The following NALF1 variants were observed in gnomAD, a reference collection of about 807,000 sequenced individuals.
NALF1 encodes NALCN channel auxiliary factor 1.
A neutral mutation model predicts 48.4 loss-of-function variants in NALF1; 3 were observed. That is an observed-to-expected ratio of 0.06 (90% CI 0.03 to 0.16). The LOEUF (loss-of-function observed/expected upper bound fraction) is 0.16. NALF1 is among the 10% of genes least tolerant of loss of function. The pLI is 1.00. For missense variants in NALF1, 526 were observed against 571.5 expected, an observed-to-expected ratio of 0.92 and a Z score of 0.81; for synonymous variants, 262 against 245.7, an observed-to-expected ratio of 1.07 and a Z score of -0.62.
At chr13:107,388,192 C>T (rs1466113206) in intron 1 of NALF1, among the ~76,000 whole-genome samples, 2 of 152,124 alleles carry the variant, frequency 1.3e-5, no homozygotes, top group Non-Finnish European at 2.9e-5. Context: ...TTATAATGTA[C>T]GTCATTTGAA....
intron 1 of NALF1, among the ~76,000 whole-genome samples, chr13:107,242,171 A>G (rs1385776377): frequency 6.6e-6 from 1 of 152,200 alleles, no homozygotes; most frequent in Non-Finnish European, 1.5e-5. Flanking sequence ...CTGTAAATAT[A>G]TCTTCAAAGA....
chr13:107,845,152 T>A (rs1490086883), intron 1 of NALF1, among the ~76,000 whole-genome samples: 1 of 152,178 alleles, frequency 6.6e-6, no homozygotes, highest in African/African-American at 2.4e-5. Flanking sequence ...CCAGAAAGAT[T>A]TTTTAAATTC....
intron 1 of NALF1, among the ~76,000 whole-genome samples, chr13:107,812,058 G>A (rs1341999218): frequency 1.3e-5 from 2 of 152,106 alleles, no homozygotes; most frequent in Non-Finnish European, 2.9e-5. Flanking sequence ...TTTAATGGTG[G>A]TTAGTATTAA....
intron 1 of NALF1, among the ~76,000 whole-genome samples, chr13:107,385,552 CAAAAAAAAAAA>C (rs201307018): frequency 4.1e-4 from 49 of 118,296 alleles, no homozygotes; most frequent in Non-Finnish European, 5.9e-4. Flanking sequence ...GATTCCATCT[CAAAAAAAAAAA>C]AAAAAAAAAA....
At chr13:107,851,596 A>C (rs1043298961) in intron 1 of NALF1, among the ~76,000 whole-genome samples, 1 of 152,124 alleles carries the variant, frequency 6.6e-6, no homozygotes, top group Non-Finnish European at 1.5e-5. Flanking sequence ...TTTAGAAGAG[A>C]AACGACGACC....
At chr13:107,562,844 T>C (rs1224005217) in intron 1 of NALF1, among the ~76,000 whole-genome samples, 3 of 152,208 alleles carry the variant, frequency 2.0e-5, no homozygotes, top group Admixed American at 2.0e-4. Flanking sequence ...CTCTTTTTCA[T>C]TTCACGGAAA....
At chr13:107,403,188 C>CTTTTTTTTTTTTTTTTTTTTTT (rs10710356) in intron 1 of NALF1, among the ~76,000 whole-genome samples, 4 of 42,486 alleles carry the variant, frequency 9.4e-5, no homozygotes, top group Non-Finnish European at 8.3e-5. Flanking sequence ...CTTGTTCGGG[C>CTTTTTTTTTTTTTTTTTTTTTT]TTTTTTTTTT....
At chr13:107,700,013 G>T (rs1881782873) in intron 1 of NALF1, among the ~76,000 whole-genome samples, 1 of 151,898 alleles carries the variant, frequency 6.6e-6, no homozygotes, top group African/African-American at 2.4e-5. Flanking sequence ...AAGACGCAAA[G>T]AAATAGGAAG....
At chr13:107,857,494 C>T (rs1880467469) in intron 1 of NALF1, among the ~76,000 whole-genome samples, 1 of 152,170 alleles carries the variant, frequency 6.6e-6, no homozygotes, top group African/African-American at 2.4e-5. Context: ...ACAATGGTTT[C>T]TCCCCTTGTC....
At chr13:107,639,359 G>T (rs1282926544) in intron 1 of NALF1, among the ~76,000 whole-genome samples, 1 of 151,832 alleles carries the variant, frequency 6.6e-6, no homozygotes, top group South Asian at 2.1e-4. Context: ...CTTTCTCCCC[G>T]ATGACCCAGC....
intron 1 of NALF1, among the ~76,000 whole-genome samples, chr13:107,482,448 A>C (rs1317680023): frequency 6.6e-6 from 1 of 152,196 alleles, no homozygotes. Flanking sequence ...AAAGCAATTT[A>C]TAATATGCTT....
rs529915369 is a variant in NALF1 at position 107,728,799 on chromosome 13, G to A, written c.915+136883C>T. 7.9e-5 allele frequency among the ~76,000 whole-genome samples: 12 copies of A among 152,238 alleles called. No homozygotes were observed. The South Asian group carries it at 1.5e-3, about 18-fold the overall frequency. On this transcript the variant is annotated intron_variant, in intron 1 of 2. Coordinates refer to ENST00000375915, the MANE Select transcript of NALF1 (RefSeq NM_001080396.3). The stretch of plus-strand genomic sequence containing the variant: ...GAACTGTACAACCTGGTTTGAAATG[G>A]AGAAAATGCTGTCTTCGTCAGAGGC...
chr13:107,546,209 T>C (rs1877132755), intron 1 of NALF1, among the ~76,000 whole-genome samples: 1 of 152,182 alleles, frequency 6.6e-6, no homozygotes, highest in African/African-American at 2.4e-5. Flanking sequence ...TCCATCCTGC[T>C]GCTCTGCAGA....
intron 1 of NALF1, among the ~76,000 whole-genome samples, chr13:107,671,983 G>T (rs1189518523): frequency 2.2e-5 from 3 of 137,642 alleles, no homozygotes; most frequent in Non-Finnish European, 4.6e-5. Context: ...TTCTATTACA[G>T]GGGTAAAATT....
At chr13:107,422,793 T>A (rs967581244) in intron 1 of NALF1, among the ~76,000 whole-genome samples, 1 of 152,136 alleles carries the variant, frequency 6.6e-6, no homozygotes, top group African/African-American at 2.4e-5. Context: ...ATTACAATGT[T>A]CCTTATAAGG....
intron 1 of NALF1, among the ~76,000 whole-genome samples, chr13:107,311,556 A>C (rs892961954): frequency 3.3e-5 from 5 of 150,482 alleles, no homozygotes; most frequent in Non-Finnish European, 7.4e-5. Context: ...AATTATATTT[A>C]ATAAATGATA....
intron 1 of NALF1, among the ~76,000 whole-genome samples, chr13:107,599,340 T>G (rs913931419): frequency 6.7e-6 from 1 of 150,136 alleles, no homozygotes; most frequent in Non-Finnish European, 1.5e-5. Flanking sequence ...GAGAATGGCA[T>G]GAACCTGGGA....
chr13:107,742,669 G>T lies in NALF1; in HGVS notation c.915+123013C>A, dbSNP rs1464701990. 2.0e-5 allele frequency among the ~76,000 whole-genome samples: 3 copies of T among 152,098 alleles called. No individual in the cohort carries two copies. In the South Asian group the frequency reaches 6.2e-4, roughly 32 times the overall value. ...CCCAGTCTCAGATATGTCTTTATTA[G>T]CAGTGTGAGAATGGACTAACATAAG... On this transcript the variant is annotated intron_variant, in intron 1 of 2. Coordinates refer to ENST00000375915, the MANE Select transcript of NALF1 (RefSeq NM_001080396.3).
chr13:107,363,887 A>G (rs1035533175), intron 1 of NALF1, among the ~76,000 whole-genome samples: 4 of 152,322 alleles, frequency 2.6e-5, no homozygotes, highest in African/African-American at 9.6e-5. Context: ...GCAAGAGGTA[A>G]CTTTGGGTTC....
Sources: gnomAD v4.1 joint callset for allele counts (sites outside exome capture counted in the v4.1 genomes callset) on GRCh38, gnomAD v4.1.1 for gene constraint, MANE v1.5 for transcripts, NCBI Gene and HGNC (gene_info 2026-07-23, HGNC 2026-07-21) for gene names.